HMGXB3: variants seen among roughly 807,000 people sequenced by gnomAD.
The protein encoded by HMGXB3 is HMG-box containing 3, also known as HMG domain-containing protein 3.
Under a neutral mutation model 121.5 loss-of-function variants are expected in HMGXB3, and 45 were observed. The ratio of observed to expected loss-of-function variants is 0.37; its 90% confidence interval spans 0.29 to 0.47. The LOEUF (loss-of-function observed/expected upper bound fraction) is 0.47, where lower values mean the gene tolerates loss of function less well. Among genes scored for constraint, HMGXB3 ranks in the 20% least tolerant of loss-of-function variants. The probability of loss-of-function intolerance (pLI) is 0.99; values close to 1 mark genes in which losing one functional copy is unlikely to be tolerated. For missense variants in HMGXB3, 1,376 were observed against 1,602.2 expected (o/e 0.86, Z 2.41); for synonymous variants, 590 against 624.1 (o/e 0.95, Z 0.81).
intron 15 of HMGXB3, 47 bp from the exon 16 acceptor site, chr5:150,045,419 T>C: frequency 1.4e-6 from 2 of 1,440,024 alleles, no homozygotes; most frequent in Non-Finnish European, 1.9e-6. Flanking sequence ...GTGTTGCTGA[T>C]GTTCTGTGAC....
chr5:150,037,569 G>A (rs1299794229), intron 13 of HMGXB3, 42 bp downstream of exon 13: 3 of 1,462,234 alleles, frequency 2.1e-6, no homozygotes, highest in Non-Finnish European at 1.8e-6. Flanking sequence ...TCCCAAAGCA[G>A]GCTTGGGAAC....
chr5:150,037,364 C>G (rs1157312159), intron 12 of HMGXB3, 36 bp from the exon 13 acceptor site: 2 of 1,499,352 alleles, frequency 1.3e-6, no homozygotes, highest in Non-Finnish European at 1.8e-6. Flanking sequence ...GTCTCTTTCC[C>G]TTCTTTTTTT....
chr5:150,014,613 C>G (rs1476001530), intron 5 of HMGXB3, among the ~76,000 whole-genome samples: 1 of 152,160 alleles, frequency 6.6e-6, no homozygotes, highest in Non-Finnish European at 1.5e-5. Context: ...ACCACACACA[C>G]CCACATGCTG....
Position 150,028,849 on chromosome 5 carries a change from C to T in HMGXB3, c.1734+1732C>T, listed in dbSNP as rs891636404. 3.3e-5 allele frequency among the ~76,000 whole-genome samples: 5 copies of T among 151,986 alleles called. 1 individual carries two copies. Among genetic ancestry groups the T allele is most frequent in the African/African-American group, 1.2e-4 (5 of 41,378 alleles). ...TCGGCCTCCCAAAGTACTGGGATTA[C>T]AGGCATTAGCCACCTCCCCAGTGTC... On this transcript the variant is annotated intron_variant, in intron 9 of 19. Coordinates refer to ENST00000502717, the MANE Select transcript of HMGXB3 (RefSeq NM_014983.3).
intron 2 of HMGXB3, among the ~76,000 whole-genome samples, chr5:150,005,827 G>A (rs1755688025): frequency 6.6e-6 from 1 of 152,284 alleles, no homozygotes; most frequent in South Asian, 2.1e-4. Flanking sequence ...GCTGCGTAGA[G>A]GAGCACGGAG....
intron 9 of HMGXB3, among the ~76,000 whole-genome samples, chr5:150,028,502 T>G (rs1451532292): frequency 5.2e-5 from 2 of 38,620 alleles, no homozygotes; most frequent in Non-Finnish European, 9.2e-5. Context: ...TATATATGTA[T>G]GTATGTGTGT....
chr5:150,040,250 T>G (rs1190266733), intron 13 of HMGXB3, among the ~76,000 whole-genome samples: 1 of 152,110 alleles, frequency 6.6e-6, no homozygotes, highest in Non-Finnish European at 1.5e-5. Context: ...TAGATCTACT[T>G]CTTTTTAAAA....
At chr5:150,015,554 A>G (rs918382437) in intron 5 of HMGXB3, among the ~76,000 whole-genome samples, 1 of 152,124 alleles carries the variant, frequency 6.6e-6, no homozygotes, top group Non-Finnish European at 1.5e-5. Flanking sequence ...CTCCAAAAGT[A>G]TTGGAATTAC....
chr5:150,005,064 T>C (rs974390383), intron 2 of HMGXB3, 75 bp downstream of exon 2: 99 of 1,481,238 alleles, frequency 6.7e-5, no homozygotes, highest in Non-Finnish European at 8.5e-5. Flanking sequence ...GAGGAAAACT[T>C]TTAAGACTCT....
At position 150,052,220 on chromosome 5, in the gene HMGXB3, ATC is replaced by A; in HGVS notation, c.*33_*34del. 1 of 1,486,706 alleles carries A rather than the reference ATC, an allele frequency of 6.7e-7. No individual in the cohort carries two copies. Among genetic ancestry groups the A allele is most frequent in the Non-Finnish European group, 9.1e-7 (1 of 1,103,992 alleles). 92.1% of individuals were successfully genotyped at this position (1,486,706 alleles called of 1,614,324 possible). A position where few individuals can be genotyped will look rare whatever the true frequency, so the allele number is the denominator to read the frequency against. On this transcript the variant is annotated 3_prime_UTR_variant, in exon 20 of 20. Coordinates refer to ENST00000502717, the MANE Select transcript of HMGXB3 (RefSeq NM_014983.3). ...CAGGCTGTTGTACAGGGACTACACC[ATC>A]TCTCAAGCCATAGTAAGGCCCTTGC...
At chr5:150,033,655 G>T (rs1756433154) in intron 11 of HMGXB3, among the ~76,000 whole-genome samples, 1 of 152,164 alleles carries the variant, frequency 6.6e-6, no homozygotes, top group African/African-American at 2.4e-5. Context: ...TCTTTAGTCA[G>T]TGGGGTCCTA....
At chr5:150,029,731 C>T (rs2340463) in intron 9 of HMGXB3, among the ~76,000 whole-genome samples, 125,923 of 152,222 alleles carry the variant, frequency 0.83, 52,308 homozygotes, top group African/African-American at 0.9. Context: ...GCCATCTCCC[C>T]TGTCATGTGT....
intron 19 of HMGXB3, 71 bp from the exon 20 acceptor site, chr5:150,051,654 G>A: frequency 5.7e-6 from 7 of 1,232,836 alleles, no homozygotes; most frequent in Non-Finnish European, 6.7e-6. Flanking sequence ...AGCCTAGAGT[G>A]TTCTCGTCAC....
chr5:150,039,794 A>G (rs1324740424), intron 13 of HMGXB3, among the ~76,000 whole-genome samples: 1 of 152,166 alleles, frequency 6.6e-6, no homozygotes, highest in Non-Finnish European at 1.5e-5. Context: ...ATGGGACCAG[A>G]GCTTTGCTCT....
chr5:150,030,019 T>G (rs1007748887), intron 9 of HMGXB3, among the ~76,000 whole-genome samples: 1 of 152,254 alleles, frequency 6.6e-6, no homozygotes, highest in South Asian at 2.1e-4. Flanking sequence ...TGGGTATTTG[T>G]TAAAAGCCAC....
rs1198201707 is a variant in HMGXB3, at chr5:150,052,128, C to T, written c.3815C>T (p.Ala1272Val). 1.3e-6 allele frequency: 2 copies of T among 1,551,580 alleles called. No homozygotes were observed. The highest frequency in any genetic ancestry group is 2.0e-5 in the Admixed American group (1 of 51,016). ...GACACCCTCTACCGCCTTGGGGTTG[C>T]TCAGATCAAGACAGAGACAGAGGAG... is the stretch of plus-strand genomic sequence containing the variant. ...IRDTLYRLGV[A>V]QIKTETEEEG... The change falls in exon 20 of 20, where the codon GCT (alanine) becomes GTT (valine). Residue 1272 changes from alanine to valine, a missense_variant. Ala to Val is a moderately conservative substitution (Grantham distance 64). Around this residue, in one of 2 missense-constraint regions of HMGXB3, gnomAD observed 260 missense variants for 233.2 expected, o/e 1.11. Transcript: ENST00000502717.
intron 5 of HMGXB3, among the ~76,000 whole-genome samples, chr5:150,017,095 A>T (rs535914885): frequency 6.6e-6 from 1 of 152,272 alleles, no homozygotes; most frequent in South Asian, 2.1e-4. Flanking sequence ...TGCTCTAATA[A>T]ATGTCAGCCA....
In HMGXB3 at chr5:150,040,870, G is replaced by A. The variant is rs1337217746; in HGVS notation, c.2536G>A (p.Glu846Lys). Reference protein sequence around the residue: ...SINVVLKSVQEQTEKTLTSEE... With the variant: ...SINVVLKSVQKQTEKTLTSEE... ...CAATGTTGTTCTGAAGTCGGTGCAG[G>A]AGCAGACAGGTAAAAGTTGTTTTCT... Residue 846 changes from glutamate (E) to lysine (K), a missense_variant, in exon 14 of 20, where the codon GAG becomes AAG. Around this residue, in one of 2 missense-constraint regions of HMGXB3, gnomAD observed 1,116 missense variants for 1,369.0 expected, o/e 0.82. Coordinates refer to ENST00000502717, the MANE Select transcript of HMGXB3 (RefSeq NM_014983.3). 6.5e-7 allele frequency: 1 copy of A among 1,548,996 alleles called. No individual in the cohort carries two copies. The highest frequency in any genetic ancestry group is 1.4e-5 in the African/African-American group (1 of 72,948).
intron 6 of HMGXB3, chr5:150,021,687 G>T: frequency 1.9e-6 from 1 of 516,418 alleles, no homozygotes; most frequent in South Asian, 1.4e-5. Flanking sequence ...TTCTCCTATG[G>T]AAACATTCCT....
Sources: gnomAD v4.1 joint callset for allele counts (sites outside exome capture counted in the v4.1 genomes callset) on GRCh38, gnomAD v4.1.1 for gene constraint, gnomAD v4.1.1 regional missense constraint, MANE v1.5 for transcripts, NCBI Gene and HGNC (gene_info 2026-07-23, HGNC 2026-07-21) for gene names.